WWTR1: variants seen among roughly 807,000 people sequenced by gnomAD.
The protein encoded by WWTR1 is WW domain containing transcription regulator 1.
WWTR1 carries 13 observed loss-of-function variants against 40.1 expected under a neutral mutation model. The observed-to-expected ratio is 0.32, with a 90% CI of 0.21 to 0.52. The LOEUF is 0.52. WWTR1 is among the 20% of genes least tolerant of loss of function. WWTR1 has a pLI of 0.97. For synonymous variants in WWTR1, 230 were observed against 210.1 expected (o/e 1.09, Z -0.82); for missense variants, 436 against 523.1 (o/e 0.83, Z 1.63).
intron 4 of WWTR1, among the ~76,000 whole-genome samples, chr3:149,535,935 C>T (rs1051375734): frequency 5.3e-5 from 8 of 152,226 alleles, no homozygotes; most frequent in African/African-American, 1.9e-4. Context: ...ATCACTTGAA[C>T]CTGGGAGGTG....
intron 2 of WWTR1, among the ~76,000 whole-genome samples, chr3:149,606,281 T>C (rs1006803914): frequency 5.9e-5 from 9 of 152,244 alleles, no homozygotes; most frequent in Non-Finnish European, 7.3e-5. Context: ...CATATGTATT[T>C]TCCTGTCCCA....
intron 4 of WWTR1, among the ~76,000 whole-genome samples, chr3:149,722,987 G>A (rs1309106105): frequency 6.6e-6 from 1 of 151,484 alleles, no homozygotes; most frequent in African/African-American, 2.4e-5. Context: ...GAAAGTCCTT[G>A]TCTATTACAA....
At chr3:149,642,249 C>T (rs1243710643) in intron 2 of WWTR1, among the ~76,000 whole-genome samples, 2 of 151,522 alleles carry the variant, frequency 1.3e-5, no homozygotes, top group Non-Finnish European at 2.9e-5. Context: ...GGAGAAACCC[C>T]GTCTCTACTA....
intron 2 of WWTR1, among the ~76,000 whole-genome samples, chr3:149,576,851 T>C (rs1298195902): frequency 1.3e-5 from 2 of 151,848 alleles, no homozygotes; most frequent in East Asian, 1.9e-4. Context: ...CTAATGAAGG[T>C]ACAAAAAGAC....
intron 3 of WWTR1, among the ~76,000 whole-genome samples, chr3:149,565,814 G>C (rs1737294221): frequency 6.6e-6 from 1 of 151,910 alleles, no homozygotes; most frequent in East Asian, 1.9e-4. Context: ...GGGAGGCTGA[G>C]GCAGGAGAAT....
intron 2 of WWTR1, among the ~76,000 whole-genome samples, chr3:149,655,696 A>T (rs1363583348): frequency 1.3e-5 from 2 of 152,236 alleles, no homozygotes; most frequent in Non-Finnish European, 2.9e-5. Context: ...GGGAAGTAAT[A>T]AGAATTGGTC....
At chr3:149,523,513 G>T (rs1186104157) in intron 6 of WWTR1, among the ~76,000 whole-genome samples, 1 of 152,198 alleles carries the variant, frequency 6.6e-6, no homozygotes, top group East Asian at 1.9e-4. Context: ...CTACCAAAGT[G>T]CTGGGATTAC....
At chr3:149,569,100 A>G (rs1737502557) in intron 3 of WWTR1, among the ~76,000 whole-genome samples, 1 of 152,196 alleles carries the variant, frequency 6.6e-6, no homozygotes, top group Non-Finnish European at 1.5e-5. Flanking sequence ...GTGTCTAGTG[A>G]TAAGAAGTTT....
At chr3:149,622,450 A>AAGG (rs1740323188) in intron 2 of WWTR1, among the ~76,000 whole-genome samples, 11 of 98,608 alleles carry the variant, frequency 1.1e-4, no homozygotes, top group African/African-American at 3.4e-4. Context: ...AGAAAGAAAG[A>AAGG]AAGGAAGGAA....
upstream of WWTR1, among the ~76,000 whole-genome samples, chr3:149,660,607 A>G (rs1482628832): frequency 6.6e-6 from 1 of 152,254 alleles, no homozygotes; most frequent in East Asian, 1.9e-4. Context: ...TGTATGTATC[A>G]GGTACTGCCC....
intron 2 of WWTR1, among the ~76,000 whole-genome samples, chr3:149,587,574 T>C (rs372481451): frequency 6.6e-6 from 1 of 152,200 alleles, no homozygotes; most frequent in East Asian, 1.9e-4. Flanking sequence ...TGTATTTAAT[T>C]GACAGGAAGT....
At chr3:149,682,051 A>C (rs1235202766) in intron 1 of WWTR1, among the ~76,000 whole-genome samples, 1 of 148,848 alleles carries the variant, frequency 6.7e-6, no homozygotes, top group Non-Finnish European at 1.5e-5. Flanking sequence ...TTCTTACTAC[A>C]GTAAAATAAA....
rs977289331 is a variant in WWTR1 at position 149,594,648 on chromosome 3, G to C, written c.432-21648C>G. 5.3e-5 allele frequency among the ~76,000 whole-genome samples: 8 copies of C among 151,898 alleles called. No homozygotes were observed. In the South Asian group the frequency reaches 1.0e-3, roughly 20 times the overall value. Reference sequence around the variant, plus strand: ...AGGGGAGAGACACTTTTTGAATCAGGAGAAACATAATTATTACTAAATGCA... The same window carrying C: ...AGGGGAGAGACACTTTTTGAATCAGCAGAAACATAATTATTACTAAATGCA... On this transcript the variant is annotated intron_variant, in intron 2 of 6. Transcript: ENST00000360632.
intron 2 of WWTR1, chr3:149,649,912 T>C (rs1315019826): frequency 1.9e-5 from 2 of 105,450 alleles, no homozygotes; most frequent in East Asian, 2.9e-4. Flanking sequence ...AGTGAAACGC[T>C]ATCTCAAAAA....
At chr3:149,541,106 T>C (rs1297777979) in intron 4 of WWTR1, 2 of 452,742 alleles carry the variant, frequency 4.4e-6, no homozygotes, top group African/African-American at 4.0e-5. Flanking sequence ...AAAAGGAAGT[T>C]ATTCATGTAT....
chr3:149,576,192 G>C, intron 2 of WWTR1: 1 of 430,386 alleles, frequency 2.3e-6, no homozygotes, highest in Non-Finnish European at 4.7e-6. Flanking sequence ...TGTCAAGAGT[G>C]GCTCCCAGGC....
intron 2 of WWTR1, among the ~76,000 whole-genome samples, chr3:149,629,467 C>A (rs928099803): frequency 6.6e-6 from 1 of 152,178 alleles, no homozygotes; most frequent in South Asian, 2.1e-4. Context: ...TTGAGTGTGG[C>A]CTGTAAAAGA....
At position 149,665,392 on chromosome 3, in the gene WWTR1, A is replaced by C. The variant is rs1399486528; in HGVS notation, c.-4+4396T>G. 3.3e-5 allele frequency among the ~76,000 whole-genome samples: 5 copies of C among 151,720 alleles called. No individual in the cohort carries two copies. In the South Asian group the frequency reaches 1.0e-3, roughly 32 times the overall value. ...AGGAGCCCACCATCATGCCCAGTTAATTTTTGTATTTTTGGTAGAGATGGG... is the reference window on the plus strand; with the variant it reads ...AGGAGCCCACCATCATGCCCAGTTACTTTTTGTATTTTTGGTAGAGATGGG... On this transcript the variant is annotated intron_variant, in intron 2 of 7. Coordinates refer to the WWTR1 transcript ENST00000465804.
intron 5 of WWTR1, among the ~76,000 whole-genome samples, chr3:149,715,982 T>C (rs560957404): frequency 2.4e-4 from 36 of 152,180 alleles, no homozygotes; most frequent in Non-Finnish European, 4.4e-4. Flanking sequence ...CCTAAGAAAA[T>C]TGGTCTCAGG....
Sources: gnomAD v4.1 joint callset for allele counts (sites outside exome capture counted in the v4.1 genomes callset) on GRCh38, gnomAD v4.1.1 for gene constraint, MANE v1.5 for transcripts, NCBI Gene and HGNC (gene_info 2026-07-23, HGNC 2026-07-21) for gene names.